The following TDRD3 variants were observed in gnomAD, a reference collection of about 807,000 sequenced individuals.
TDRD3 encodes tudor domain containing 3, also known as tudor domain-containing protein 3.
In TDRD3, 45 loss-of-function variants were observed where a neutral mutation model predicts 86.7. That is an observed-to-expected ratio of 0.52 (90% CI 0.41 to 0.67). TDRD3 has a LOEUF of 0.67. TDRD3 is among the 30% of genes least tolerant of loss of function. The pLI is 0.00. For synonymous variants in TDRD3, 298 were observed against 301.7 expected (o/e 0.99, Z 0.13); for missense variants, 814 against 889.0 (o/e 0.92, Z 1.07).
rs1205502207 is a variant in TDRD3, at chr13:60,439,717, G to T, written c.71G>T (p.Cys24Phe). The change falls in exon 2 of 14, where the codon TGC becomes TTC. Residue 24 changes from cysteine (C) to phenylalanine (F), a missense_variant. Transcript: ENST00000377881. ...WYLSDEGIEA[C>F]TSSPDKVNVN... ...CTTTCAGATGAAGGCATTGAAGCTT[G>T]CACAAGCTCTCCAGACAAAGTCAAT... is the stretch of plus-strand genomic sequence containing the variant. 11 of 1,544,660 alleles carry T rather than the reference G, an allele frequency of 7.1e-6. No individual in the cohort carries two copies. The highest frequency in any genetic ancestry group is 9.6e-6 in the Non-Finnish European group (11 of 1,144,722).
intron 12 of TDRD3, among the ~76,000 whole-genome samples, chr13:60,544,321 A>G (rs1957885951): frequency 6.6e-6 from 1 of 151,844 alleles, no homozygotes. Context: ...GTATGAACCT[A>G]TAGTCCCAGC....
At chr13:60,522,586 G>C (rs1489014353) in intron 10 of TDRD3, among the ~76,000 whole-genome samples, 4 of 152,160 alleles carry the variant, frequency 2.6e-5, no homozygotes, top group Admixed American at 2.6e-4. Context: ...TAAGGTTACA[G>C]AACTAGTAAG....
At chr13:60,525,465 C>A (rs1368875723) in intron 10 of TDRD3, among the ~76,000 whole-genome samples, 1 of 151,924 alleles carries the variant, frequency 6.6e-6, no homozygotes, top group Non-Finnish European at 1.5e-5. Flanking sequence ...TGAACCACCG[C>A]ACCTGGCCAG....
chr13:60,537,195 T>C (rs1415757268), intron 12 of TDRD3: 1 of 152,080 alleles, frequency 6.6e-6, no homozygotes, highest in Non-Finnish European at 1.5e-5. Flanking sequence ...TTCTCCTACT[T>C]TTATAATCAA....
rs568520457 is a variant in TDRD3 at position 60,529,922 on chromosome 13, A to G, written c.1992+705A>G. On this transcript the variant is annotated intron_variant, in intron 11 of 13. Coordinates refer to ENST00000377881, the MANE Select transcript of TDRD3 (RefSeq NM_001146070.2). ...AGCCCAGTGAGAGCAAGAAAGGGAA[A>G]GGGACAGAGGGACCATCAGAGAGAA... 2.7e-3 allele frequency among the ~76,000 whole-genome samples: 409 copies of G among 152,226 alleles called. 1 individual carries two copies. Among genetic ancestry groups the G allele is most frequent in the African/African-American group, 9.2e-3 (382 of 41,538 alleles).
At chr13:60,506,467 C>T (rs961669425) in intron 8 of TDRD3, among the ~76,000 whole-genome samples, 4 of 152,112 alleles carry the variant, frequency 2.6e-5, no homozygotes, top group South Asian at 2.1e-4. Context: ...TGACACTGGC[C>T]GAGTGCAGTG....
At chr13:60,571,138 A>G (rs1958577588) in intron 13 of TDRD3, among the ~76,000 whole-genome samples, 1 of 151,850 alleles carries the variant, frequency 6.6e-6, no homozygotes, top group Non-Finnish European at 1.5e-5. Flanking sequence ...TCATTTTAAA[A>G]CTCTCACTAC....
chr13:60,517,375 G>T (rs1957196137), intron 10 of TDRD3, among the ~76,000 whole-genome samples: 1 of 152,132 alleles, frequency 6.6e-6, no homozygotes, highest in Non-Finnish European at 1.5e-5. Context: ...AGATGTTATT[G>T]TGAGGGATTT....
intron 4 of TDRD3, 184 bp downstream of exon 4, chr13:60,460,724 G>A (rs981646304): frequency 1.1e-5 from 6 of 528,130 alleles, no homozygotes; most frequent in Non-Finnish European, 1.8e-5. Context: ...AGAATATATG[G>A]CCAGGCGTGG....
At chr13:60,555,885 C>T (rs1276308727) in intron 12 of TDRD3, among the ~76,000 whole-genome samples, 1 of 144,798 alleles carries the variant, frequency 6.9e-6, no homozygotes, top group Admixed American at 7.0e-5. Flanking sequence ...GAATCTCGCT[C>T]TGTCGCCCAG....
chr13:60,398,411 G>A (rs1193500616), intron 1 of TDRD3, among the ~76,000 whole-genome samples: 2 of 152,222 alleles, frequency 1.3e-5, no homozygotes, highest in Admixed American at 6.5e-5. Flanking sequence ...TGGAAAGATG[G>A]TAAGGAAAAG....
chr13:60,441,231 G>C (rs1304492152), intron 2 of TDRD3, among the ~76,000 whole-genome samples: 2 of 151,988 alleles, frequency 1.3e-5, no homozygotes, highest in Non-Finnish European at 2.9e-5. Context: ...TCTTGTTTAA[G>C]AAAAACTTTC....
At chr13:60,400,267 C>T (rs926122269) in intron 1 of TDRD3, among the ~76,000 whole-genome samples, 2 of 152,136 alleles carry the variant, frequency 1.3e-5, no homozygotes, top group Non-Finnish European at 2.9e-5. Context: ...GGTTCATTCT[C>T]CTTTAGGATG....
At chr13:60,482,322 C>T (rs1298870233) in intron 5 of TDRD3, among the ~76,000 whole-genome samples, 1 of 152,118 alleles carries the variant, frequency 6.6e-6, no homozygotes, top group Non-Finnish European at 1.5e-5. Flanking sequence ...CCATAGCTCA[C>T]CTGTTTTTTT....
chr13:60,443,615 AAAG>A (rs1383296476), intron 2 of TDRD3, among the ~76,000 whole-genome samples: 35 of 151,960 alleles, frequency 2.3e-4, no homozygotes, highest in African/African-American at 8.0e-4. Context: ...GTAGGTGTTA[AAAG>A]AAGATGGTCC....
At chr13:60,435,288 G>A (rs529849346) in intron 1 of TDRD3, among the ~76,000 whole-genome samples, 1 of 152,106 alleles carries the variant, frequency 6.6e-6, no homozygotes, top group South Asian at 2.1e-4. Flanking sequence ...TATTTCAATA[G>A]TTTTTTTGGG....
rs1955211560 is a variant in TDRD3 at position 60,439,777 on chromosome 13, G to T, written c.126+5G>T. ...ATCATCCTGATTGCTCTCAATGTAG[G>T]TTATATTTATTAACTTGTAAACATT... On this transcript the variant is annotated splice_donor_5th_base_variant and intron_variant, in intron 2 of 13. Coordinates refer to ENST00000377881, the MANE Select transcript of TDRD3 (RefSeq NM_001146070.2). The T allele has an allele frequency of 6.7e-7, 1 of 1,502,996 alleles. No homozygotes were observed. The highest frequency in any genetic ancestry group is 8.9e-7 in the Non-Finnish European group (1 of 1,125,208). 93.1% of individuals were successfully genotyped at this position (1,502,996 alleles called of 1,614,324 possible). A position where few individuals can be genotyped will look rare whatever the true frequency, so the allele number is the denominator to read the frequency against.
chr13:60,550,555 A>G (rs1209301428), intron 12 of TDRD3, among the ~76,000 whole-genome samples: 1 of 152,100 alleles, frequency 6.6e-6, no homozygotes, highest in Non-Finnish European at 1.5e-5. Context: ...GTCTTAGTAA[A>G]TAGATTGCCT....
At chr13:60,470,689 TCTC>T (rs1021188836) in intron 5 of TDRD3, among the ~76,000 whole-genome samples, 10 of 150,384 alleles carry the variant, frequency 6.6e-5, no homozygotes, top group Non-Finnish European at 1.2e-4. Context: ...GTTCAAGCGA[TCTC>T]CTGTCTCAGC....
Sources: allele counts gnomAD v4.1 joint callset (sites outside exome capture counted in the v4.1 genomes callset), GRCh38; gene constraint gnomAD v4.1.1; transcripts MANE v1.5; gene names NCBI Gene and HGNC (gene_info 2026-07-23, HGNC 2026-07-21).